The following MMP26 variants were observed in gnomAD, a reference collection of about 807,000 sequenced individuals.
MMP26 encodes the protein matrix metallopeptidase 26, also known as matrix metalloproteinase-26.
In MMP26, 33 loss-of-function variants were observed where a neutral mutation model predicts 31.0. That is an observed-to-expected ratio of 1.06 (90% CI 0.81 to 1.42). MMP26 has a LOEUF of 1.42. Ranked by LOEUF, MMP26 falls within the 40% of genes most tolerant of loss-of-function variation. The probability of loss-of-function intolerance (pLI) is 0.00; values close to 1 mark genes in which losing one functional copy is unlikely to be tolerated. For missense variants in MMP26, 347 were observed against 316.1 expected, an observed-to-expected ratio of 1.10 and a Z score of -0.74; for synonymous variants, 122 against 114.9, an observed-to-expected ratio of 1.06 and a Z score of -0.40.
At chr11:4,772,167 G>A (rs571876261) in intron 2 of MMP26, among the ~76,000 whole-genome samples, 15 of 152,320 alleles carry the variant, frequency 9.8e-5, no homozygotes, top group African/African-American at 3.4e-4. Context: ...TAGAGGGCAG[G>A]AGTGTGTAAT....
At chr11:4,949,211 A>T (rs1424873572) in intron 2 of MMP26, among the ~76,000 whole-genome samples, 1 of 123,456 alleles carries the variant, frequency 8.1e-6, no homozygotes, top group African/African-American at 2.7e-5. Flanking sequence ...TATCTTTATT[A>T]TTATTTTTCC....
At position 4,987,487 on chromosome 11, in the gene MMP26, C is replaced by T. The variant is rs555689273; in HGVS notation, c.-144-581C>T. On this transcript the variant is annotated intron_variant, in intron 2 of 7. Coordinates refer to ENST00000380390, the MANE Select transcript of MMP26 (RefSeq NM_021801.5). ...AGGCTGGAGTGCAGTGGCGCGATCT[C>T]GGCTCACTGCAAGCTCCGCCTCCCG... 4.6e-5 allele frequency among the ~76,000 whole-genome samples: 7 copies of T among 151,978 alleles called. No homozygotes were observed. In the East Asian group the frequency reaches 1.2e-3, roughly 25 times the overall value.
chr11:4,844,566 G>A (rs1849841062), intron 2 of MMP26, among the ~76,000 whole-genome samples: 1 of 152,146 alleles, frequency 6.6e-6, no homozygotes, highest in South Asian at 2.1e-4. Flanking sequence ...AATTCATCAT[G>A]AGCAAGTGGG....
At chr11:4,839,559 C>T (rs1034492103) in intron 2 of MMP26, among the ~76,000 whole-genome samples, 1 of 151,834 alleles carries the variant, frequency 6.6e-6, no homozygotes, top group African/African-American at 2.4e-5. Context: ...AACCTAGCTA[C>T]CAGATGGCAT....
intron 2 of MMP26, among the ~76,000 whole-genome samples, chr11:4,803,067 T>C (rs1849205188): frequency 6.6e-6 from 1 of 152,228 alleles, no homozygotes; most frequent in East Asian, 1.9e-4. Context: ...AATTTCTAAA[T>C]TTCTTTTAAG....
At chr11:4,862,909 G>A (rs1240873294) in intron 2 of MMP26, among the ~76,000 whole-genome samples, 2 of 152,054 alleles carry the variant, frequency 1.3e-5, no homozygotes, top group African/African-American at 4.8e-5. Context: ...ACTTTGTGAT[G>A]CCTGCCTAAC....
At chr11:4,955,593 T>G (rs759541937) in intron 2 of MMP26, 1 of 1,428,226 alleles carries the variant, frequency 7.0e-7, no homozygotes, top group Non-Finnish European at 9.8e-7. Context: ...TTTCCTAGAA[T>G]AGCAATAAGA....
chr11:4,851,061 C>T (rs981612289), intron 2 of MMP26, among the ~76,000 whole-genome samples: 5 of 152,176 alleles, frequency 3.3e-5, no homozygotes, highest in African/African-American at 9.7e-5. Flanking sequence ...CTCTCCCCTA[C>T]AAAGCATGTA....
intron 2 of MMP26, among the ~76,000 whole-genome samples, chr11:4,888,785 C>G (rs759219960): frequency 6.6e-6 from 1 of 152,214 alleles, no homozygotes; most frequent in South Asian, 2.1e-4. Flanking sequence ...GATTGCTAAC[C>G]AACTCATAGC....
intron 2 of MMP26, among the ~76,000 whole-genome samples, chr11:4,784,817 A>G (rs1374747043): frequency 6.6e-6 from 1 of 152,244 alleles, no homozygotes; most frequent in Non-Finnish European, 1.5e-5. Flanking sequence ...ATTTTTACTA[A>G]TAAATGACAC....
At position 4,971,627 on chromosome 11, in the gene MMP26, G is replaced by A. The variant is rs185813386; in HGVS notation, c.-144-16441G>A. ...GAAAATTATTAAAAGGAAACATCAA[G>A]AGTAGGGAAGATTTTGGCTTAGTCT... On this transcript the variant is annotated intron_variant, in intron 2 of 7. Transcript: ENST00000380390. 1.5e-4 allele frequency among the ~76,000 whole-genome samples: 23 copies of A among 152,286 alleles called. No individual in the cohort carries two copies. The East Asian group carries it at 4.4e-3, about 29-fold the overall frequency.
chr11:4,780,525 T>C (rs1363758137), intron 2 of MMP26, among the ~76,000 whole-genome samples: 1 of 152,222 alleles, frequency 6.6e-6, no homozygotes, highest in Non-Finnish European at 1.5e-5. Flanking sequence ...TTATCTATTT[T>C]CTTATTGATT....
At chr11:4,912,941 T>C (rs2133571405) in intron 2 of MMP26, 1 of 148,516 alleles carries the variant, frequency 6.7e-6, no homozygotes, top group East Asian at 2.5e-4. Flanking sequence ...CTCTTTCAAA[T>C]TGGAAAAGAA....
intron 2 of MMP26, among the ~76,000 whole-genome samples, chr11:4,863,862 A>C (rs990543202): frequency 2.6e-5 from 4 of 152,172 alleles, no homozygotes; most frequent in Non-Finnish European, 4.4e-5. Flanking sequence ...ACTGTCTTCT[A>C]TTATGTCCAA....
At chr11:4,769,831 G>A in intron 2 of MMP26, 2 of 1,612,564 alleles carry the variant, frequency 1.2e-6, no homozygotes, top group Non-Finnish European at 1.7e-6. Context: ...AAGGAATGGA[G>A]ATCCAGACAT....
intron 2 of MMP26, among the ~76,000 whole-genome samples, chr11:4,870,180 C>A (rs1348418821): frequency 4.0e-5 from 6 of 151,854 alleles, no homozygotes; most frequent in South Asian, 2.1e-4. Context: ...ATGTAACAAA[C>A]CTGCTCGTTG....
intron 2 of MMP26, among the ~76,000 whole-genome samples, chr11:4,976,021 C>T (rs1051296752): frequency 6.6e-6 from 1 of 152,000 alleles, no homozygotes; most frequent in Non-Finnish European, 1.5e-5. Context: ...GTATAAAAAT[C>T]TCTTTCTTTA....
chr11:4,804,650 C>G (rs761121129), intron 2 of MMP26: 1 of 558,212 alleles, frequency 1.8e-6, no homozygotes. Flanking sequence ...TTTTAAGAAT[C>G]AATATTTTTC....
intron 2 of MMP26, among the ~76,000 whole-genome samples, chr11:4,902,341 C>G (rs77340269): frequency 6.6e-6 from 1 of 151,372 alleles, no homozygotes; most frequent in East Asian, 1.9e-4. Context: ...TTTCTAGAAT[C>G]TTTTCTCACT....
Sources: gnomAD v4.1 joint callset for allele counts (sites outside exome capture counted in the v4.1 genomes callset) on GRCh38, gnomAD v4.1.1 for gene constraint, MANE v1.5 for transcripts, NCBI Gene and HGNC (gene_info 2026-07-23, HGNC 2026-07-21) for gene names.